Variants in DDAH1 observed in about 807,000 individuals in gnomAD.
DDAH1 encodes the protein dimethylarginine dimethylaminohydrolase 1, also known as N(G),N(G)-dimethylarginine dimethylaminohydrolase 1.
A neutral mutation model predicts 28.8 loss-of-function variants in DDAH1; 19 were observed. The ratio of observed to expected loss-of-function variants is 0.66; its 90% confidence interval spans 0.46 to 0.97. The LOEUF is 0.97. DDAH1 is among the 50% of genes least tolerant of loss of function. The pLI is 0.00. For synonymous variants in DDAH1, 153 were observed against 154.4 expected, an observed-to-expected ratio of 0.99 and a Z score of 0.07; for missense variants, 326 against 375.9, an observed-to-expected ratio of 0.87 and a Z score of 1.10.
At chr1:85,541,582 T>C (rs553873547) in intron 1 of DDAH1, among the ~76,000 whole-genome samples, 62 of 152,384 alleles carry the variant, frequency 4.1e-4, no homozygotes, top group African/African-American at 1.4e-3. Context: ...CAAAATCCTG[T>C]GGTGATCTAT....
chr1:85,406,769 A>G (rs1359874302), intron 1 of DDAH1, among the ~76,000 whole-genome samples: 1 of 152,142 alleles, frequency 6.6e-6, no homozygotes, highest in African/African-American at 2.4e-5. Context: ...TAGAGAACAG[A>G]ATATACTATA....
intron 1 of DDAH1, among the ~76,000 whole-genome samples, chr1:85,527,993 G>A (rs1448961931): frequency 2.6e-5 from 4 of 151,898 alleles, no homozygotes; most frequent in African/African-American, 7.3e-5. Context: ...AAAGCTGAAG[G>A]CATTGTTTTA....
Position 85,554,120 on chromosome 1 carries a change from A to G in DDAH1, c.-123+23864T>C, listed in dbSNP as rs143688987. 1.9e-3 allele frequency among the ~76,000 whole-genome samples: 285 copies of G among 152,324 alleles called. 3 individuals are homozygous for G. Among genetic ancestry groups the G allele is most frequent in the Middle Eastern group, 0.01 (3 of 294 alleles). ...ACCATTCTTTTGAGCACTAAATGGA[A>G]CATTCCTCTTTTCTGAGTTCACAAT... On this transcript the variant is annotated intron_variant, in intron 1 of 6. Coordinates refer to the DDAH1 transcript ENST00000426972.
At chr1:85,569,124 A>G (rs1168071982) in intron 1 of DDAH1, among the ~76,000 whole-genome samples, 1 of 152,240 alleles carries the variant, frequency 6.6e-6, no homozygotes, top group African/African-American at 2.4e-5. Flanking sequence ...ACTGAACAGT[A>G]AACAAAACAA....
At chr1:85,437,020 C>G (rs1022292055) in intron 1 of DDAH1, among the ~76,000 whole-genome samples, 4 of 152,076 alleles carry the variant, frequency 2.6e-5, no homozygotes, top group Non-Finnish European at 5.9e-5. Flanking sequence ...TAGTGGCTCA[C>G]TTCTAACCAA....
upstream of DDAH1, among the ~76,000 whole-genome samples, chr1:85,468,301 A>G (rs1242669529): frequency 1.3e-5 from 2 of 152,140 alleles, no homozygotes; most frequent in African/African-American, 4.8e-5. Context: ...CAACTCTTCT[A>G]CATGTGGCAT....
At chr1:85,383,740 C>T (rs777850967) in intron 1 of DDAH1, among the ~76,000 whole-genome samples, 5 of 152,136 alleles carry the variant, frequency 3.3e-5, no homozygotes, top group African/African-American at 7.2e-5. Flanking sequence ...CCTGATAGGT[C>T]GGCAGCCATC....
chr1:85,568,377 A>G (rs866883618), intron 1 of DDAH1, among the ~76,000 whole-genome samples: 35 of 152,340 alleles, frequency 2.3e-4, no homozygotes, highest in African/African-American at 8.2e-4. Flanking sequence ...CACTAAATGT[A>G]ATGGAATCCT....
At chr1:85,381,147 C>A (rs768757505) in intron 1 of DDAH1, among the ~76,000 whole-genome samples, 5 of 150,766 alleles carry the variant, frequency 3.3e-5, no homozygotes, top group Non-Finnish European at 7.4e-5. Flanking sequence ...GACAGGAGAA[C>A]TGCTTGAACC....
At chr1:85,486,344 C>T (rs1262614983) in intron 2 of DDAH1, among the ~76,000 whole-genome samples, 1 of 152,164 alleles carries the variant, frequency 6.6e-6, no homozygotes, top group Non-Finnish European at 1.5e-5. Context: ...CACAGACACA[C>T]AAATCTGCAA....
At position 85,493,027 on chromosome 1, in the gene DDAH1, G is replaced by A. The variant is rs139338781; in HGVS notation, c.-7+3139C>T. ...GTCCTGGAAACTTTTGCCTTCATGG[G>A]CCCCTTCCTTCATTAAAAAATATTT... On this transcript the variant is annotated intron_variant, in intron 2 of 6. Coordinates refer to the DDAH1 transcript ENST00000426972. 5.8e-3 allele frequency among the ~76,000 whole-genome samples: 887 copies of A among 151,916 alleles called. 23 individuals carry two copies. The highest frequency in any genetic ancestry group is 0.039 in the Admixed American group (598 of 15,252).
At chr1:85,372,859 T>C (rs1557541202) in intron 1 of DDAH1, among the ~76,000 whole-genome samples, 1 of 152,104 alleles carries the variant, frequency 6.6e-6, no homozygotes, top group Non-Finnish European at 1.5e-5. Context: ...CTAGGATCCA[T>C]TGTCTCTCAA....
chr1:85,348,425 A>T (rs1648999029), intron 4 of DDAH1, among the ~76,000 whole-genome samples: 4 of 152,068 alleles, frequency 2.6e-5, no homozygotes. Flanking sequence ...CACGGTGATA[A>T]TCTTGTCTTC....
chr1:85,539,152 CTT>C (rs537505375), intron 1 of DDAH1, among the ~76,000 whole-genome samples: 2 of 146,618 alleles, frequency 1.4e-5, no homozygotes, highest in African/African-American at 2.5e-5. Context: ...CTTTTCTTTT[CTT>C]TTTTTTTTTG....
At chr1:85,497,047 A>T (rs1656619509) in intron 1 of DDAH1, among the ~76,000 whole-genome samples, 1 of 152,214 alleles carries the variant, frequency 6.6e-6, no homozygotes, top group South Asian at 2.1e-4. Flanking sequence ...AATAATTCTT[A>T]TACCAGAAAT....
At chr1:85,461,170 T>C (rs748025914) in intron 1 of DDAH1, among the ~76,000 whole-genome samples, 14 of 152,192 alleles carry the variant, frequency 9.2e-5, no homozygotes, top group Non-Finnish European at 5.9e-5. Context: ...GTTGGAGTCA[T>C]GTAAAATTTG....
intron 2 of DDAH1, among the ~76,000 whole-genome samples, chr1:85,353,515 C>T (rs1238334941): frequency 6.6e-6 from 1 of 152,108 alleles, no homozygotes; most frequent in Admixed American, 6.5e-5. Flanking sequence ...TTGTGGCACA[C>T]TGACAGTTTT....
At chr1:85,431,887 C>G (rs17384381) in intron 1 of DDAH1, among the ~76,000 whole-genome samples, 24,692 of 152,212 alleles carry the variant, frequency 0.16, 2,336 homozygotes, top group Admixed American at 0.22. Flanking sequence ...GAAATTAATA[C>G]AAGAGGCAGG....
intron 1 of DDAH1, among the ~76,000 whole-genome samples, chr1:85,574,351 C>A (rs1211792693): frequency 2.0e-5 from 3 of 152,236 alleles, no homozygotes; most frequent in African/African-American, 7.2e-5. Context: ...GCTCACTCTG[C>A]AAAGTTCCAA....
Sources: gnomAD v4.1 joint callset for allele counts (sites outside exome capture counted in the v4.1 genomes callset) on GRCh38, gnomAD v4.1.1 for gene constraint, MANE v1.5 for transcripts, NCBI Gene and HGNC (gene_info 2026-07-23, HGNC 2026-07-21) for gene names.